HS3ST4: variants seen among roughly 807,000 people sequenced by gnomAD.
The protein encoded by HS3ST4 is heparan sulfate-glucosamine 3-sulfotransferase 4, also known as heparan sulfate glucosamine 3-O-sulfotransferase 4.
A neutral mutation model predicts 29.2 loss-of-function variants in HS3ST4; 17 were observed. The ratio of observed to expected loss-of-function variants is 0.58; its 90% CI spans 0.40 to 0.87. The LOEUF (loss-of-function observed/expected upper bound fraction) is 0.87, where lower values mean the gene tolerates loss of function less well. HS3ST4 is among the 40% of genes least tolerant of loss of function. The pLI is 0.00. For synonymous variants in HS3ST4, 314 were observed against 285.7 expected, an observed-to-expected ratio of 1.10 and a Z score of -1.00; for missense variants, 627 against 634.5, an observed-to-expected ratio of 0.99 and a Z score of 0.13.
chr16:26,032,492 A>T lies in HS3ST4; in HGVS notation c.735-103120A>T, dbSNP rs1460859833. 4.9e-6 allele frequency: 6 copies of T among 1,214,978 alleles called. No homozygotes were observed. The African/African-American group carries it at 7.4e-5, about 15-fold the overall frequency. The allele number at this position is 1,214,978 out of a possible 1,614,324, so 75.3% of individuals were successfully genotyped here. On this transcript the variant is annotated intron_variant, in intron 1 of 1. Transcript: ENST00000331351. ...AAACTTGATAAAAAATAGTATTCCA[A>T]ACTGTACAGTCACCAGAAGTACACA...
At position 26,099,573 on chromosome 16, in the gene HS3ST4, G is replaced by T. The variant is rs780653241; in HGVS notation, c.735-36039G>T. Among the ~76,000 whole-genome samples the T allele has an allele frequency of 2.6e-5, 4 of 152,244 alleles. No individual in the cohort carries two copies. In the East Asian group the frequency reaches 7.7e-4, roughly 29 times the overall value. ...ACAGTCAATACAGAAATTTTAAAAC[G>T]AAAGGAACTCCATCAGGCACTGAAT... is the stretch of plus-strand genomic sequence containing the variant. On this transcript the variant is annotated intron_variant, in intron 1 of 1. Transcript: ENST00000331351.
chr16:25,880,527 A>G (rs1264781581), intron 1 of HS3ST4, among the ~76,000 whole-genome samples: 1 of 152,130 alleles, frequency 6.6e-6, no homozygotes, highest in Admixed American at 6.5e-5. Flanking sequence ...CACACTGAGA[A>G]TTAATTAAGG....
intron 1 of HS3ST4, among the ~76,000 whole-genome samples, chr16:25,908,429 C>T (rs1197263455): frequency 1.3e-5 from 2 of 152,180 alleles, no homozygotes; most frequent in Non-Finnish European, 2.9e-5. Context: ...GGTTGATCCA[C>T]AAGTCATGAT....
chr16:26,014,899 C>T (rs891127870), intron 1 of HS3ST4, among the ~76,000 whole-genome samples: 2 of 152,148 alleles, frequency 1.3e-5, no homozygotes. Flanking sequence ...GAGCTCTTTC[C>T]ACCACACCTT....
chr16:25,791,001 T>G (rs1966868064), intron 1 of HS3ST4, among the ~76,000 whole-genome samples: 2 of 152,150 alleles, frequency 1.3e-5, no homozygotes, highest in Non-Finnish European at 2.9e-5. Flanking sequence ...CTCCTTTTTC[T>G]TCTTAAAAGT....
chr16:25,894,782 A>G (rs907516812), intron 1 of HS3ST4, among the ~76,000 whole-genome samples: 1 of 152,182 alleles, frequency 6.6e-6, no homozygotes, highest in African/African-American at 2.4e-5. Context: ...CTGGGGTTAC[A>G]GGCATGAGCC....
intron 1 of HS3ST4, among the ~76,000 whole-genome samples, chr16:25,697,634 CTTG>C (rs1966307139): frequency 6.6e-6 from 1 of 152,170 alleles, no homozygotes; most frequent in Non-Finnish European, 1.5e-5. Flanking sequence ...ATCTAGGGAT[CTTG>C]TTAACATGTA....
chr16:25,981,990 A>C (rs1466689098), intron 1 of HS3ST4, among the ~76,000 whole-genome samples: 3 of 152,166 alleles, frequency 2.0e-5, no homozygotes, highest in African/African-American at 7.2e-5. Context: ...GAGATTGTGC[A>C]TGCGTGTGCA....
At chr16:26,089,458 C>T (rs530916139) in intron 1 of HS3ST4, among the ~76,000 whole-genome samples, 35 of 152,136 alleles carry the variant, frequency 2.3e-4, no homozygotes, top group African/African-American at 8.2e-4. Flanking sequence ...TAGGGTGGGG[C>T]GTAAAATCAG....
intron 1 of HS3ST4, among the ~76,000 whole-genome samples, chr16:26,021,758 A>G (rs4349148): frequency 0.7 from 106,319 of 151,764 alleles, 38,694 homozygotes; most frequent in African/African-American, 0.9. Context: ...CCGCCTCCTG[A>G]GTTCAAGTGA....
At chr16:25,738,745 C>G (rs1028027919) in intron 1 of HS3ST4, among the ~76,000 whole-genome samples, 8 of 152,166 alleles carry the variant, frequency 5.3e-5, no homozygotes, top group African/African-American at 1.9e-4. Flanking sequence ...TGTCAGAGCA[C>G]AGCCTACATT....
At chr16:25,981,477 A>G (rs1969004626) in intron 1 of HS3ST4, among the ~76,000 whole-genome samples, 1 of 152,204 alleles carries the variant, frequency 6.6e-6, no homozygotes, top group Non-Finnish European at 1.5e-5. Flanking sequence ...CAAAGCATCA[A>G]AATAGAAAGA....
intron 1 of HS3ST4, among the ~76,000 whole-genome samples, chr16:25,905,776 A>G (rs1445728256): frequency 6.6e-6 from 1 of 152,154 alleles, no homozygotes; most frequent in East Asian, 1.9e-4. Context: ...CCTTGGTATT[A>G]ATTTAGGATT....
rs1966472576 is a variant in HS3ST4 at position 25,718,485 on chromosome 16, G to A, written c.734+25334G>A. On this transcript the variant is annotated intron_variant, in intron 1 of 1. Transcript: ENST00000331351. ...TTGGCAATAGGAGAGAAGGTAGATA[G>A]AGGTAAGCAGAAATGGGAGAGAGAG... Among the ~76,000 whole-genome samples the A allele has an allele frequency of 4.2e-5, 6 of 143,760 alleles. No individual in the cohort carries two copies. In the South Asian group the frequency reaches 1.4e-3, roughly 34 times the overall value. 94.3% of individuals were successfully genotyped at this position (143,760 alleles called of 152,430 possible).
At chr16:25,698,399 C>G (rs916922169) in intron 1 of HS3ST4, among the ~76,000 whole-genome samples, 14 of 152,268 alleles carry the variant, frequency 9.2e-5, no homozygotes, top group Admixed American at 5.2e-4. Flanking sequence ...CTTCGTGGCC[C>G]TACAGAGTGT....
intron 1 of HS3ST4, among the ~76,000 whole-genome samples, chr16:25,944,266 A>G (rs1567278021): frequency 6.6e-6 from 1 of 152,234 alleles, no homozygotes; most frequent in Non-Finnish European, 1.5e-5. Context: ...CTCAACAGCA[A>G]GAGGGGACCT....
At chr16:25,846,926 T>C (rs2141647624) in intron 1 of HS3ST4, among the ~76,000 whole-genome samples, 1 of 152,270 alleles carries the variant, frequency 6.6e-6, no homozygotes, top group African/African-American at 2.4e-5. Context: ...AATCCTATTC[T>C]TTTAATTACT....
At chr16:26,052,375 T>C (rs1898358075) in intron 1 of HS3ST4, among the ~76,000 whole-genome samples, 1 of 152,190 alleles carries the variant, frequency 6.6e-6, no homozygotes, top group Admixed American at 6.5e-5. Context: ...TCTTAATTAT[T>C]ATTATTTTCT....
intron 1 of HS3ST4, among the ~76,000 whole-genome samples, chr16:25,878,789 T>A (rs977812773): frequency 2.6e-5 from 4 of 152,212 alleles, no homozygotes; most frequent in Non-Finnish European, 5.9e-5. Context: ...GTCCCAACTT[T>A]GTATTGCACA....
Sources: allele counts gnomAD v4.1 joint callset (sites outside exome capture counted in the v4.1 genomes callset), GRCh38; gene constraint gnomAD v4.1.1; transcripts MANE v1.5; gene names NCBI Gene and HGNC (gene_info 2026-07-23, HGNC 2026-07-21).